The following DLGAP2 variants were observed in gnomAD, a reference collection of about 807,000 sequenced individuals.
DLGAP2 encodes disks large-associated protein 2.
DLGAP2 carries 26 observed loss-of-function variants against 100.3 expected under a neutral mutation model. The observed-to-expected ratio is 0.26, with a 90% CI of 0.19 to 0.36. The LOEUF (loss-of-function observed/expected upper bound fraction) is 0.36. DLGAP2 is among the 10% of genes least tolerant of loss of function. The pLI is 1.00. For synonymous variants in DLGAP2, 886 were observed against 630.1 expected, an observed-to-expected ratio of 1.41 and a Z score of -6.08; for missense variants, 1,858 against 1,453.2, an observed-to-expected ratio of 1.28 and a Z score of -4.53.
chr8:788,704 A>G (rs1054836329), intron 1 of DLGAP2, among the ~76,000 whole-genome samples: 4 of 152,240 alleles, frequency 2.6e-5, no homozygotes, highest in Non-Finnish European at 5.9e-5. Flanking sequence ...TCCTGGGGGC[A>G]GTGTTTTAAT....
At chr8:1,437,859 G>GCCTC (rs1303388257) in intron 3 of DLGAP2, among the ~76,000 whole-genome samples, 1 of 149,348 alleles carries the variant, frequency 6.7e-6, no homozygotes, top group African/African-American at 2.5e-5. Context: ...GATGTCATGT[G>GCCTC]CCTGTAATCC....
chr8:986,879 C>A (rs187326817), intron 2 of DLGAP2, among the ~76,000 whole-genome samples: 25 of 152,196 alleles, frequency 1.6e-4, no homozygotes, highest in Non-Finnish European at 3.5e-4. Flanking sequence ...AGGCTGGTCT[C>A]AAACTCCTGA....
intron 1 of DLGAP2, among the ~76,000 whole-genome samples, chr8:788,922 C>G (rs1202282502): frequency 2.0e-5 from 3 of 152,196 alleles, no homozygotes; most frequent in Admixed American, 1.3e-4. Flanking sequence ...AAGTGGGAAG[C>G]ACAGATGGTT....
At position 1,628,388 on chromosome 8, in the gene DLGAP2, G is replaced by A. The variant is rs561520544; in HGVS notation, c.1590+1501G>A. ...CTTGAGCCAACCTCACATTCTCTCT[G>A]ACTTACTGTGGAGCAGGAATTAAGA... On this transcript the variant is annotated intron_variant, in intron 7 of 14. Coordinates refer to ENST00000637795, the MANE Select transcript of DLGAP2 (RefSeq NM_001346810.2). Among the ~76,000 whole-genome samples the A allele has an allele frequency of 3.2e-3, 440 of 136,596 alleles. 1 individual carries two copies. The highest frequency in any genetic ancestry group is 7.6e-3 in the Admixed American group (109 of 14,376). 89.6% of individuals were successfully genotyped at this position (136,596 alleles called of 152,430 possible).
intron 2 of DLGAP2, among the ~76,000 whole-genome samples, chr8:1,255,011 GCGC>G (rs1799152078): frequency 2.6e-4 from 12 of 45,396 alleles, no homozygotes; most frequent in African/African-American, 8.2e-4. Flanking sequence ...TCCTGCTTGG[GCGC>G]TGTGTGTGTG....
chr8:1,177,512 A>G (rs1239559801), intron 2 of DLGAP2, among the ~76,000 whole-genome samples: 1 of 152,038 alleles, frequency 6.6e-6, no homozygotes, highest in Admixed American at 6.5e-5. Flanking sequence ...TATTAGCACC[A>G]TTGTTCTGGC....
intron 6 of DLGAP2, among the ~76,000 whole-genome samples, chr8:1,590,138 CCTCTT>C (rs1796247583): frequency 6.6e-6 from 1 of 152,164 alleles, no homozygotes. Flanking sequence ...CGTCCCTTCT[CCTCTT>C]CTCATAAGAG....
chr8:1,242,004 A>C (rs1798807280), intron 2 of DLGAP2, among the ~76,000 whole-genome samples: 3 of 152,200 alleles, frequency 2.0e-5, no homozygotes, highest in Admixed American at 2.0e-4. Flanking sequence ...AGGGAACTCC[A>C]GGGAATGGTA....
chr8:1,061,627 G>T lies in DLGAP2; in HGVS notation c.73+153661G>T, dbSNP rs188258719. ...AGCAGCAGCAGAAACGCCCCAAACT[G>T]TTGCTGTCACAGAGAGCGAGCGTCC... On this transcript the variant is annotated intron_variant, in intron 2 of 14. Transcript: ENST00000637795. Among the ~76,000 whole-genome samples, 479 of 152,220 alleles carry T rather than the reference G, an allele frequency of 3.1e-3. 2 individuals carry two copies. Among genetic ancestry groups the T allele is most frequent in the African/African-American group, 0.011 (470 of 41,532 alleles).
chr8:1,347,814 A>G (rs1337811380), intron 3 of DLGAP2, among the ~76,000 whole-genome samples: 2 of 150,878 alleles, frequency 1.3e-5, no homozygotes, highest in Non-Finnish European at 2.9e-5. Flanking sequence ...ACAGAGCTAC[A>G]TTGCACTCAT....
rs1296769206 is a variant in DLGAP2, at chr8:1,003,763, G to T, written c.73+95797G>T. 2.6e-5 allele frequency among the ~76,000 whole-genome samples: 4 copies of T among 152,304 alleles called. No homozygotes were observed. In the East Asian group the frequency reaches 7.7e-4, roughly 29 times the overall value. On this transcript the variant is annotated intron_variant, in intron 2 of 14. Transcript: ENST00000637795. ...TGAGCGCCTGGATTCTCTCTCATGA[G>T]ACCTGTCCAGCACCTTGGTCCCCCC...
chr8:1,430,829 A>G (rs1255351036), intron 3 of DLGAP2, among the ~76,000 whole-genome samples: 1 of 152,250 alleles, frequency 6.6e-6, no homozygotes, highest in African/African-American at 2.4e-5. Context: ...CACGTCTGAC[A>G]CATTAAATCA....
At chr8:1,073,086 C>G (rs895181073) in intron 2 of DLGAP2, among the ~76,000 whole-genome samples, 2 of 152,170 alleles carry the variant, frequency 1.3e-5, no homozygotes, top group African/African-American at 2.4e-5. Flanking sequence ...GAATAAAAGC[C>G]CACTGTTGAA....
At chr8:1,088,908 A>G (rs555819820) in intron 2 of DLGAP2, among the ~76,000 whole-genome samples, 1 of 65,888 alleles carries the variant, frequency 1.5e-5, no homozygotes, top group East Asian at 5.0e-4. Context: ...CCCCCGCCTC[A>G]CTCTCTCCAC....
intron 3 of DLGAP2, among the ~76,000 whole-genome samples, chr8:1,429,214 T>G (rs899750113): frequency 3.3e-5 from 5 of 152,180 alleles, no homozygotes; most frequent in African/African-American, 9.7e-5. Context: ...GTTGGCAGTT[T>G]CTGGATGGTA....
chr8:1,053,168 A>C (rs1802771820), intron 2 of DLGAP2, among the ~76,000 whole-genome samples: 1 of 152,210 alleles, frequency 6.6e-6, no homozygotes, highest in Non-Finnish European at 1.5e-5. Context: ...ATTTAAAAGA[A>C]ATCAAAATAG....
intron 1 of DLGAP2, among the ~76,000 whole-genome samples, chr8:822,351 A>G (rs1406562109): frequency 6.6e-6 from 1 of 152,060 alleles, no homozygotes; most frequent in East Asian, 1.9e-4. Context: ...GGAAACAGGC[A>G]GCCGGGTATG....
intron 1 of DLGAP2, among the ~76,000 whole-genome samples, chr8:895,082 G>T (rs1278859090): frequency 6.6e-6 from 1 of 150,442 alleles, no homozygotes; most frequent in African/African-American, 2.5e-5. Context: ...TGGGCTGGTG[G>T]GCTCTGGAGG....
chr8:1,310,883 A>G (rs1800598231), intron 3 of DLGAP2, among the ~76,000 whole-genome samples: 1 of 152,208 alleles, frequency 6.6e-6, no homozygotes, highest in Non-Finnish European at 1.5e-5. Context: ...AAAACTGGAA[A>G]TTTGACAATG....
Sources: gnomAD v4.1 joint callset for allele counts (sites outside exome capture counted in the v4.1 genomes callset) on GRCh38, gnomAD v4.1.1 for gene constraint, MANE v1.5 for transcripts, NCBI Gene and HGNC (gene_info 2026-07-23, HGNC 2026-07-21) for gene names.